ARNT2: variants seen among roughly 807,000 people sequenced by gnomAD.
ARNT2 encodes the protein ARNT protein 2.
A neutral mutation model predicts 91.7 loss-of-function variants in ARNT2; 36 were observed. That is an observed-to-expected ratio of 0.39 (90% confidence interval 0.30 to 0.52). The LOEUF is 0.52. ARNT2 is among the 20% of genes least tolerant of loss of function. The probability of loss-of-function intolerance (pLI) is 0.72; values close to 1 mark genes in which losing one functional copy is unlikely to be tolerated. For missense variants in ARNT2, 775 were observed against 939.3 expected (o/e 0.83, Z 2.29); for synonymous variants, 365 against 347.1 (o/e 1.05, Z -0.57).
chr15:80,437,371 G>C (rs1255352527), intron 1 of ARNT2, among the ~76,000 whole-genome samples: 2 of 151,988 alleles, frequency 1.3e-5, no homozygotes, highest in African/African-American at 2.4e-5. Context: ...TCCCATTTTT[G>C]TCTTCTCTCC....
rs762643031 is a variant in ARNT2 at position 80,591,641 on chromosome 15, C to T, written c.1992C>T (p.His664=). 6.2e-7 allele frequency: 1 copy of T among 1,614,174 alleles called. No homozygotes were observed. The highest frequency in any genetic ancestry group is 1.1e-5 in the South Asian group (1 of 91,082). The change falls in exon 18 of 19, where the codon CAC becomes CAT. Residue 664 remains histidine, a synonymous_variant. Transcript: ENST00000303329. The surrounding 1 kb of genome is among the most constrained non-coding windows in gnomAD (Gnocchi z 5.1). ...SEVWSQWQSQ[H]HGQQSGEQHS... is the part of the protein sequence containing the mutation. ...TCTGGTCGCAGTGGCAAAGCCAGCA[C>T]CATGGCCAGCAGAGCGGTGAGCAGC...
Position 80,593,585 on chromosome 15 carries a change from T to G in ARNT2, c.2056-15T>G. 1 of 1,571,258 alleles carries G rather than the reference T, an allele frequency of 6.4e-7. No homozygotes were observed. The highest frequency in any genetic ancestry group is 8.7e-7 in the Non-Finnish European group (1 of 1,155,080). On this transcript the variant is annotated splice_polypyrimidine_tract_variant and intron_variant, in intron 18 of 18. Transcript: ENST00000303329. Reference sequence around the variant, plus strand: ...AGCTGACTCCCCTGTGGCTCTCTTTTCCTCTCCTCTGCAGGACATGCTGCC... The same window carrying G: ...AGCTGACTCCCCTGTGGCTCTCTTTGCCTCTCCTCTGCAGGACATGCTGCC...
intron 5 of ARNT2, among the ~76,000 whole-genome samples, chr15:80,485,594 C>A (rs1013395738): frequency 6.6e-6 from 1 of 152,160 alleles, no homozygotes; most frequent in Non-Finnish European, 1.5e-5. Flanking sequence ...CATGTCTGGG[C>A]AGGTTGGAGA....
rs143500039 is a variant in ARNT2 at position 80,536,004 on chromosome 15, C to T, written c.878-15195C>T. The stretch of plus-strand genomic sequence containing the variant: ...CTTCTTGTTTCTCTCTGCATGTCTG[C>T]TTTTACACCGACCCAATCCAATCAC... On this transcript the variant is annotated intron_variant, in intron 8 of 18. Coordinates refer to ENST00000303329, the MANE Select transcript of ARNT2 (RefSeq NM_014862.4). 3.0e-4 allele frequency among the ~76,000 whole-genome samples: 45 copies of T among 152,330 alleles called. No individual in the cohort carries two copies. In the East Asian group the frequency reaches 8.1e-3, roughly 27 times the overall value.
chr15:80,502,793 G>A (rs892691260), intron 5 of ARNT2, among the ~76,000 whole-genome samples: 6 of 152,164 alleles, frequency 3.9e-5, no homozygotes, highest in African/African-American at 1.4e-4. Context: ...GGGCACCCAG[G>A]GGGTTGGAGA....
In ARNT2 at chr15:80,404,545, G is replaced by T; in HGVS notation, c.30G>T (p.Pro10=). MATPAAVNP[P]EMASDIPGSV... is the part of the protein sequence containing the mutation. ...CAACCCCGGCGGCGGTCAACCCTCC[G>T]GGTGAGTAGCGGCCTGGGCCCCGCC... The change falls in exon 1 of 19, where the codon CCG becomes CCT. Residue 10 remains proline, a splice_region_variant and synonymous_variant. Coordinates refer to ENST00000303329, the MANE Select transcript of ARNT2 (RefSeq NM_014862.4). The surrounding 1 kb of genome is among the most constrained non-coding windows in gnomAD (Gnocchi z 5.5). The T allele has an allele frequency of 8.4e-7, 1 of 1,189,136 alleles. No individual in the cohort carries two copies. Among genetic ancestry groups the T allele is most frequent in the South Asian group, 1.8e-5 (1 of 55,406 alleles). 73.7% of individuals were successfully genotyped at this position (1,189,136 alleles called of 1,614,324 possible).
At chr15:80,511,132 G>T (rs961380721) in intron 6 of ARNT2, among the ~76,000 whole-genome samples, 5 of 152,068 alleles carry the variant, frequency 3.3e-5, no homozygotes, top group African/African-American at 9.7e-5. Flanking sequence ...AACCTAAATG[G>T]CCATCAGTGA....
chr15:80,452,017 C>A (rs1285011066), intron 2 of ARNT2, among the ~76,000 whole-genome samples: 3 of 152,178 alleles, frequency 2.0e-5, no homozygotes, highest in African/African-American at 7.2e-5. Flanking sequence ...CAGGGTGTGC[C>A]CGTTTTTAGG....
In ARNT2 at chr15:80,551,294, C is replaced by A; in HGVS notation, c.954+19C>A. The A allele has an allele frequency of 2.5e-6, 4 of 1,605,796 alleles. No individual in the cohort carries two copies. Among genetic ancestry groups the A allele is most frequent in the Non-Finnish European group, 3.4e-6 (4 of 1,172,678 alleles). ...ACTCCAGGTAAGAAAAAATTCGTAG[C>A]CTTTTTAATCTTAAATGAAGGCTTA... is the stretch of plus-strand genomic sequence containing the variant. On this transcript the variant is annotated intron_variant, in intron 9 of 18. Coordinates refer to ENST00000303329, the MANE Select transcript of ARNT2 (RefSeq NM_014862.4).
chr15:80,485,048 TG>T (rs1376504441), intron 5 of ARNT2, among the ~76,000 whole-genome samples: 20 of 152,396 alleles, frequency 1.3e-4, no homozygotes, highest in Middle Eastern at 3.4e-3. Flanking sequence ...TGATAGTGTT[TG>T]GGAATTGTAG....
At chr15:80,410,917 C>T (rs987758802) in intron 1 of ARNT2, among the ~76,000 whole-genome samples, 2 of 152,054 alleles carry the variant, frequency 1.3e-5, no homozygotes, top group East Asian at 1.9e-4. Context: ...GCTCACCACA[C>T]GAAACTCTTT....
In ARNT2 at chr15:80,574,131, G is replaced by T; in HGVS notation, c.1317-17G>T. On this transcript the variant is annotated splice_polypyrimidine_tract_variant and intron_variant, in intron 12 of 18. Coordinates refer to ENST00000303329, the MANE Select transcript of ARNT2 (RefSeq NM_014862.4). ...CTTCTGTTCTTCATGACCCTCTGTT[G>T]TCTTCTTGTTTCACAGGCAACTTCA... 6.2e-7 allele frequency: 1 copy of T among 1,613,216 alleles called. No homozygotes were observed. Among genetic ancestry groups the T allele is most frequent in the Non-Finnish European group, 8.5e-7 (1 of 1,179,144 alleles).
In ARNT2 at chr15:80,457,915, T is replaced by G; in HGVS notation, c.147-14T>G. 6.2e-7 allele frequency: 1 copy of G among 1,614,032 alleles called. No homozygotes were observed. Among genetic ancestry groups the G allele is most frequent in the Non-Finnish European group, 8.5e-7 (1 of 1,179,930 alleles). On this transcript the variant is annotated splice_polypyrimidine_tract_variant and intron_variant, in intron 2 of 18. Coordinates refer to ENST00000303329, the MANE Select transcript of ARNT2 (RefSeq NM_014862.4). ...CCTAATAATCAGTGCTCACTTGTGA[T>G]CTTGACTTTTCAGAATGGACTTCGA...
intron 17 of ARNT2, among the ~76,000 whole-genome samples, chr15:80,587,557 G>A (rs892288006): frequency 2.0e-5 from 3 of 152,098 alleles, no homozygotes; most frequent in East Asian, 1.9e-4. Flanking sequence ...GTTAATGAGA[G>A]GAGAATGATA....
At chr15:80,514,267 T>C (rs1897393431) in intron 7 of ARNT2, 53 bp from the exon 8 acceptor site, 4 of 1,584,618 alleles carry the variant, frequency 2.5e-6, no homozygotes, top group South Asian at 1.1e-5. Context: ...GTCATCAACA[T>C]CCTTGCCTCA....
chr15:80,551,130 G>A (rs1343746648), intron 8 of ARNT2, 69 bp from the exon 9 acceptor site: 7 of 1,474,306 alleles, frequency 4.7e-6, no homozygotes, highest in African/African-American at 2.8e-5. Context: ...AAATAAAATC[G>A]TGGACACTTT....
At chr15:80,533,197 C>G (rs1897766139) in intron 8 of ARNT2, among the ~76,000 whole-genome samples, 1 of 152,198 alleles carries the variant, frequency 6.6e-6, no homozygotes, top group African/African-American at 2.4e-5. Context: ...GGATGGAATA[C>G]AGTTCTCAGG....
intron 1 of ARNT2, among the ~76,000 whole-genome samples, chr15:80,407,203 G>T (rs1470490946): frequency 6.6e-6 from 1 of 152,166 alleles, no homozygotes; most frequent in Non-Finnish European, 1.5e-5. Flanking sequence ...GGGTACAAAG[G>T]CCACAGCCAG....
chr15:80,524,940 A>G (rs1159521418), intron 8 of ARNT2, among the ~76,000 whole-genome samples: 1 of 152,078 alleles, frequency 6.6e-6, no homozygotes, highest in African/African-American at 2.4e-5. Context: ...TAAAACATGC[A>G]CTTCATGATC....
Sources: gnomAD v4.1 joint callset for allele counts (sites outside exome capture counted in the v4.1 genomes callset) on GRCh38, gnomAD v4.1.1 for gene constraint, Gnocchi (gnomAD v3.1) non-coding constraint, MANE v1.5 for transcripts, NCBI Gene and HGNC (gene_info 2026-07-23, HGNC 2026-07-21) for gene names.